Variants in NSUN7 observed in about 807,000 individuals in gnomAD.
The protein encoded by NSUN7 is NOP2/Sun RNA methyltransferase family member 7.
Under a neutral mutation model 58.5 loss-of-function variants are expected in NSUN7, and 39 were observed. The observed-to-expected ratio is 0.67, with a 90% CI of 0.52 to 0.87. NSUN7 has a LOEUF of 0.87. Among genes scored for constraint, NSUN7 ranks in the 40% least tolerant of loss-of-function variants. The pLI is 0.00. For synonymous variants in NSUN7, 278 were observed against 303.7 expected (o/e 0.92, Z 0.88); for missense variants, 765 against 844.1 (o/e 0.91, Z 1.16).
At chr4:40,771,499 AAGAG>A (rs1742007906) in intron 4 of NSUN7, among the ~76,000 whole-genome samples, 2 of 152,034 alleles carry the variant, frequency 1.3e-5, no homozygotes, top group Admixed American at 1.3e-4. Flanking sequence ...GAGAATATGG[AAGAG>A]AGAGAAAGAG....
At chr4:40,802,651 A>T (rs1172414389) in intron 10 of NSUN7, among the ~76,000 whole-genome samples, 1 of 144,050 alleles carries the variant, frequency 6.9e-6, no homozygotes, top group Non-Finnish European at 1.5e-5. Context: ...GTTTTTTTGT[A>T]TCACACCATA....
chr4:40,794,525 G>T, intron 9 of NSUN7, 49 bp downstream of exon 9: 1 of 1,097,488 alleles, frequency 9.1e-7, no homozygotes, highest in South Asian at 1.3e-5. Context: ...GTACATTTTA[G>T]AAATATTAGT....
intron 2 of NSUN7, among the ~76,000 whole-genome samples, chr4:40,751,606 A>T (rs1740837377): frequency 6.6e-6 from 1 of 152,208 alleles, no homozygotes; most frequent in African/African-American, 2.4e-5. Context: ...AGACTATCCC[A>T]TTCATAGCCA....
chr4:40,751,004 A>C lies in NSUN7; in HGVS notation c.298+13A>C. On this transcript the variant is annotated intron_variant, in intron 2 of 11. Transcript: ENST00000381782. ...AGTGCCCTGAAATGTGAGTTGTGCCAGTCTGGAAGATCAACACTAAAAGAA... is the reference window on the plus strand; with the variant it reads ...AGTGCCCTGAAATGTGAGTTGTGCCCGTCTGGAAGATCAACACTAAAAGAA... The C allele has an allele frequency of 1.2e-6, 2 of 1,609,428 alleles. No individual in the cohort carries two copies. Among genetic ancestry groups the C allele is most frequent in the Middle Eastern group, 1.7e-4 (1 of 6,034 alleles).
At position 40,776,152 on chromosome 4, in the gene NSUN7, T is replaced by G; in HGVS notation, c.929T>G (p.Met310Arg). ...NTGSWYTVSH[M>R]SILTNNNTSK... ...GGCTCATGGTACACAGTTTCCCACATGTCAATTTTAACAAATAATAATACC... is the reference window on the plus strand; with the variant it reads ...GGCTCATGGTACACAGTTTCCCACAGGTCAATTTTAACAAATAATAATACC... The change falls in exon 7 of 12, where the codon ATG (methionine) becomes AGG (arginine). Residue 310 changes from methionine to arginine, a missense_variant. Coordinates refer to ENST00000381782, the MANE Select transcript of NSUN7 (RefSeq NM_024677.6). 1 of 1,609,050 alleles carries G rather than the reference T, an allele frequency of 6.2e-7. No individual in the cohort carries two copies. The highest frequency in any genetic ancestry group is 1.3e-5 in the African/African-American group (1 of 74,938).
intron 4 of NSUN7, among the ~76,000 whole-genome samples, chr4:40,762,941 G>A (rs1741529742): frequency 8.5e-6 from 1 of 117,934 alleles, no homozygotes; most frequent in African/African-American, 2.9e-5. Flanking sequence ...GATCTGAGGT[G>A]GAACAGTTTC....
intron 4 of NSUN7, among the ~76,000 whole-genome samples, chr4:40,761,614 C>T (rs942215005): frequency 2.6e-5 from 4 of 152,062 alleles, no homozygotes; most frequent in African/African-American, 9.7e-5. Flanking sequence ...GCTTAGTTCA[C>T]TTTATTTATA....
intron 2 of NSUN7, 122 bp downstream of exon 2, chr4:40,751,113 A>C: frequency 1.9e-6 from 2 of 1,055,474 alleles, no homozygotes; most frequent in South Asian, 1.6e-5. Flanking sequence ...AGGCATGTGC[A>C]TATCTTTGGT....
chr4:40,756,970 CATG>C (rs1371431438), intron 2 of NSUN7, among the ~76,000 whole-genome samples: 3 of 152,184 alleles, frequency 2.0e-5, no homozygotes, highest in African/African-American at 7.2e-5. Context: ...GTGCCTCATG[CATG>C]TAATCCCAGC....
intron 10 of NSUN7, among the ~76,000 whole-genome samples, chr4:40,804,762 T>G (rs1477982037): frequency 6.6e-6 from 1 of 152,114 alleles, no homozygotes; most frequent in Non-Finnish European, 1.5e-5. Flanking sequence ...CTCATTATGG[T>G]CATCAGTATC....
At chr4:40,755,558 C>T (rs556926324) in intron 2 of NSUN7, among the ~76,000 whole-genome samples, 5 of 152,248 alleles carry the variant, frequency 3.3e-5, no homozygotes, top group Admixed American at 6.5e-5. Flanking sequence ...CTTCGAATCC[C>T]AGGAACTGAT....
At position 40,796,012 on chromosome 4, in the gene NSUN7, G is replaced by A. The variant is rs2437307; in HGVS notation, c.1282+1536G>A. 4.1e-3 allele frequency among the ~76,000 whole-genome samples: 627 copies of A among 152,138 alleles called. 4 individuals are homozygous for A. The highest frequency in any genetic ancestry group is 0.014 in the African/African-American group (594 of 41,506). On this transcript the variant is annotated intron_variant, in intron 9 of 11. Coordinates refer to ENST00000381782, the MANE Select transcript of NSUN7 (RefSeq NM_024677.6). ...TTTGACCAGAGCAACAAGGGGGCTCGGGCACCCCTAATTCCCTTACCCTCT... is the reference window on the plus strand; with the variant it reads ...TTTGACCAGAGCAACAAGGGGGCTCAGGCACCCCTAATTCCCTTACCCTCT...
rs561538327 is a variant in NSUN7, at chr4:40,802,343, T to C, written c.1400+3439T>C. Among the ~76,000 whole-genome samples the C allele has an allele frequency of 2.0e-5, 3 of 152,346 alleles. No homozygotes were observed. In the South Asian group the frequency reaches 6.2e-4, roughly 32 times the overall value. ...GGTTTCTTCTCAAATTTTATATTTTTTTTTGTTACATAAACCCCACCCACA... is the reference window on the plus strand; with the variant it reads ...GGTTTCTTCTCAAATTTTATATTTTCTTTTGTTACATAAACCCCACCCACA... On this transcript the variant is annotated intron_variant, in intron 10 of 11. Transcript: ENST00000381782.
At chr4:40,753,440 A>G (rs937633992) in intron 2 of NSUN7, among the ~76,000 whole-genome samples, 1 of 151,902 alleles carries the variant, frequency 6.6e-6, no homozygotes, top group Admixed American at 6.6e-5. Flanking sequence ...CGCCTGGCTA[A>G]TTTTTTATTT....
chr4:40,785,774 A>G (rs186972373), intron 7 of NSUN7, among the ~76,000 whole-genome samples: 72 of 152,400 alleles, frequency 4.7e-4, no homozygotes, highest in African/African-American at 1.7e-3. Context: ...TAACATGTAG[A>G]ATGCAACTAA....
In NSUN7 at chr4:40,790,830, A is replaced by G. The variant is rs577459099; in HGVS notation, c.1180+85A>G. 1.0e-3 allele frequency: 1,050 copies of G among 1,019,972 alleles called. 1 individual carries two copies. Among genetic ancestry groups the G allele is most frequent in the Non-Finnish European group, 1.4e-3 (999 of 702,824 alleles). 63.2% of individuals were successfully genotyped at this position (1,019,972 alleles called of 1,614,324 possible). A position where few individuals can be genotyped will look rare whatever the true frequency, so the allele number is the denominator to read the frequency against. The stretch of plus-strand genomic sequence containing the variant: ...TTAAAATCATTAAAATAGCATATCA[A>G]ATACATCTGATTAATAAATAATAGC... On this transcript the variant is annotated intron_variant, in intron 8 of 11. Coordinates refer to ENST00000381782, the MANE Select transcript of NSUN7 (RefSeq NM_024677.6).
intron 10 of NSUN7, among the ~76,000 whole-genome samples, chr4:40,802,315 G>A (rs574255065): frequency 4.0e-5 from 6 of 151,102 alleles, no homozygotes; most frequent in Non-Finnish European, 8.9e-5. Flanking sequence ...GTAGTTTTGA[G>A]TGGGTTTCTT....
At chr4:40,763,552 C>G (rs1741559771) in intron 4 of NSUN7, among the ~76,000 whole-genome samples, 1 of 152,130 alleles carries the variant, frequency 6.6e-6, no homozygotes, top group African/African-American at 2.4e-5. Context: ...GCTGAGTCAA[C>G]CAAGAAACCC....
intron 2 of NSUN7, among the ~76,000 whole-genome samples, chr4:40,757,142 T>G (rs907730008): frequency 1.3e-5 from 2 of 152,062 alleles, no homozygotes; most frequent in Non-Finnish European, 2.9e-5. Flanking sequence ...GTCAGGAGAA[T>G]TGCTTGAACC....
Sources: gnomAD v4.1 joint callset for allele counts (sites outside exome capture counted in the v4.1 genomes callset) on GRCh38, gnomAD v4.1.1 for gene constraint, MANE v1.5 for transcripts, NCBI Gene and HGNC (gene_info 2026-07-23, HGNC 2026-07-21) for gene names.